PXDNL: variants seen among roughly 807,000 people sequenced by gnomAD.
The protein encoded by PXDNL is probable oxidoreductase PXDNL.
In PXDNL, 145 loss-of-function variants were observed where a neutral mutation model predicts 150.8. The ratio of observed to expected loss-of-function variants is 0.96; its 90% CI spans 0.84 to 1.10. The LOEUF (loss-of-function observed/expected upper bound fraction) is 1.10, where lower values mean the gene tolerates loss of function less well. Among genes scored for constraint, PXDNL ranks in the 50% least tolerant of loss-of-function variants. The pLI is 0.00. For missense variants in PXDNL, 2,087 were observed against 1,873.9 expected (o/e 1.11, Z -2.10); for synonymous variants, 757 against 725.7 (o/e 1.04, Z -0.69).
intron 2 of PXDNL, among the ~76,000 whole-genome samples, chr8:51,615,314 A>C (rs1405175198): frequency 6.6e-6 from 1 of 150,944 alleles, no homozygotes; most frequent in Non-Finnish European, 1.5e-5. Flanking sequence ...TTTTTTTTTC[A>C]TCAGTTTCTC....
At chr8:51,370,162 A>G (rs1807057764) in intron 19 of PXDNL, among the ~76,000 whole-genome samples, 1 of 152,210 alleles carries the variant, frequency 6.6e-6, no homozygotes, top group South Asian at 2.1e-4. Context: ...ACCTTGAAAG[A>G]CTCAGGACAA....
At chr8:51,795,957 G>A (rs1237384572) in intron 1 of PXDNL, among the ~76,000 whole-genome samples, 1 of 152,164 alleles carries the variant, frequency 6.6e-6, no homozygotes, top group Non-Finnish European at 1.5e-5. Context: ...TTGGTCTTAA[G>A]ACCACATGAG....
intron 4 of PXDNL, among the ~76,000 whole-genome samples, chr8:51,551,826 G>A (rs1273391594): frequency 6.6e-6 from 1 of 152,080 alleles, no homozygotes; most frequent in African/African-American, 2.4e-5. Context: ...TAAATAGATG[G>A]GACTTAATTA....
chr8:51,741,198 T>G (rs1482118000), intron 1 of PXDNL, among the ~76,000 whole-genome samples: 1 of 152,174 alleles, frequency 6.6e-6, no homozygotes, highest in Admixed American at 6.5e-5. Context: ...TTCTTTCTGG[T>G]TTAGTCTTGG....
chr8:51,608,002 G>GAAGAAAGAAAGAGA lies in PXDNL; in HGVS notation c.237-15305_237-15304insTCTCTTTCTTTCTT, dbSNP rs1381274367. Among the ~76,000 whole-genome samples, 17 of 64,664 alleles carry GAAGAAAGAAAGAGA rather than the reference G, an allele frequency of 2.6e-4. 1 individual carries two copies. The highest frequency in any genetic ancestry group is 1.3e-3 in the African/African-American group (16 of 12,014). The allele number at this position is 64,664 out of a possible 152,430, so 42.4% of individuals were successfully genotyped here. ...GGAAGGAAGAGAGAGAGGAAGGAAG[G>GAAGAAAGAAAGAGA]AAGAAAGAAAGAAAGAAAGAAAGAA... On this transcript the variant is annotated intron_variant, in intron 2 of 22. Transcript: ENST00000356297.
chr8:51,361,043 T>G (rs1443093363), intron 19 of PXDNL, among the ~76,000 whole-genome samples: 1 of 152,220 alleles, frequency 6.6e-6, no homozygotes, highest in Non-Finnish European at 1.5e-5. Flanking sequence ...AAGCAACATG[T>G]GACCAAGTGA....
rs1227755074 is a variant in PXDNL at position 51,408,237 on chromosome 8, C to A, written c.3387G>T (p.Ala1129=). The A allele has an allele frequency of 6.2e-7, 1 of 1,613,932 alleles. No homozygotes were observed. Reference sequence around the variant, plus strand: ...CCGAATCCACGGCCGCAGAATAAGCCGCGGAGAAGAGCCTCTGGGTCAGCT... The same window carrying A: ...CCGAATCCACGGCCGCAGAATAAGCAGCGGAGAAGAGCCTCTGGGTCAGCT... ...SPELTQRLFS[A]AYSAAVDSAA... is the part of the protein sequence containing the mutation. The change falls in exon 17 of 23, where the codon GCG becomes GCT. Residue 1129 remains alanine, a synonymous_variant. Coordinates refer to ENST00000356297, the MANE Select transcript of PXDNL (RefSeq NM_144651.5).
At chr8:51,531,057 CTG>C (rs1811891228) in intron 4 of PXDNL, among the ~76,000 whole-genome samples, 2 of 152,208 alleles carry the variant, frequency 1.3e-5, no homozygotes, top group African/African-American at 2.4e-5. Flanking sequence ...AAGTTACTGT[CTG>C]TGACTTTTAA....
At chr8:51,472,422 G>T in intron 7 of PXDNL, 118 bp from the exon 8 acceptor site, 1 of 669,310 alleles carries the variant, frequency 1.5e-6, no homozygotes, top group Non-Finnish European at 2.5e-6. Flanking sequence ...TTTACACATC[G>T]AACTGCATTT....
chr8:51,717,265 T>A (rs1013187522), intron 1 of PXDNL, among the ~76,000 whole-genome samples: 1 of 152,172 alleles, frequency 6.6e-6, no homozygotes, highest in Admixed American at 6.5e-5. Flanking sequence ...AAAACAGAGC[T>A]TGAGATAAAG....
chr8:51,558,030 C>T (rs113440043), intron 3 of PXDNL, among the ~76,000 whole-genome samples: 48 of 152,186 alleles, frequency 3.2e-4, no homozygotes, highest in African/African-American at 9.6e-4. Flanking sequence ...AAAAATATAG[C>T]TATGTGTTAG....
intron 21 of PXDNL, among the ~76,000 whole-genome samples, chr8:51,338,552 C>A (rs1274143482): frequency 6.6e-6 from 1 of 152,234 alleles, no homozygotes; most frequent in Non-Finnish European, 1.5e-5. Flanking sequence ...GATGGCACAG[C>A]CTGGGCTCAG....
chr8:51,632,586 C>T (rs1434751535), intron 2 of PXDNL, among the ~76,000 whole-genome samples: 1 of 151,844 alleles, frequency 6.6e-6, no homozygotes, highest in Non-Finnish European at 1.5e-5. Context: ...AGAATGAGAC[C>T]CTATCTCAAT....
intron 3 of PXDNL, among the ~76,000 whole-genome samples, chr8:51,569,726 A>G (rs1812893114): frequency 6.6e-6 from 1 of 151,912 alleles, no homozygotes; most frequent in African/African-American, 2.4e-5. Context: ...TGAAAGGAAG[A>G]TAATTCTATA....
At chr8:51,399,020 T>C (rs763289655) in intron 17 of PXDNL, among the ~76,000 whole-genome samples, 48 of 152,094 alleles carry the variant, frequency 3.2e-4, no homozygotes, top group African/African-American at 1.1e-3. Flanking sequence ...AGATTGAAGA[T>C]GACAGTAGAA....
At chr8:51,624,649 T>C (rs1814329983) in intron 2 of PXDNL, among the ~76,000 whole-genome samples, 1 of 148,464 alleles carries the variant, frequency 6.7e-6, no homozygotes, top group Non-Finnish European at 1.5e-5. Flanking sequence ...CCTTAACATG[T>C]CTTTCTGATG....
chr8:51,395,309 G>A (rs1016522672), intron 17 of PXDNL, among the ~76,000 whole-genome samples: 1 of 152,282 alleles, frequency 6.6e-6, no homozygotes, highest in East Asian at 1.9e-4. Flanking sequence ...AACCAATTCA[G>A]AACTATCACC....
At chr8:51,673,487 TAAG>T (rs1295673017) in intron 1 of PXDNL, among the ~76,000 whole-genome samples, 1 of 152,114 alleles carries the variant, frequency 6.6e-6, no homozygotes. Flanking sequence ...TCCAAAAAGA[TAAG>T]AAGAAAGATC....
At chr8:51,570,709 TATA>T (rs1226704449) in intron 3 of PXDNL, among the ~76,000 whole-genome samples, 3 of 151,912 alleles carry the variant, frequency 2.0e-5, no homozygotes, top group Non-Finnish European at 2.9e-5. Flanking sequence ...AGTGTATACT[TATA>T]ATGTTACATT....
Sources: gnomAD v4.1 joint callset for allele counts (sites outside exome capture counted in the v4.1 genomes callset) on GRCh38, gnomAD v4.1.1 for gene constraint, MANE v1.5 for transcripts, NCBI Gene and HGNC (gene_info 2026-07-23, HGNC 2026-07-21) for gene names.